Variants in KAZN observed in about 807,000 individuals in gnomAD.
KAZN encodes the protein kazrin.
Under a neutral mutation model 87.4 loss-of-function variants are expected in KAZN, and 40 were observed. The observed-to-expected ratio is 0.46, with a 90% CI of 0.36 to 0.60. The LOEUF (loss-of-function observed/expected upper bound fraction) is 0.60. Ranked by LOEUF, KAZN falls within the 20% of genes least tolerant of loss-of-function variation. The pLI, the probability that KAZN is intolerant of heterozygous loss-of-function variation, is 0.00. For synonymous variants in KAZN, 466 were observed against 458.3 expected (o/e 1.02, Z -0.22); for missense variants, 898 against 1,073.9 (o/e 0.84, Z 2.29).
At position 15,034,838 on chromosome 1, in the gene KAZN, G is replaced by A; in HGVS notation, c.508G>A (p.Glu170Lys). ...QQLYATLESR[E>K]EQLRDFIRNY... ...GCTGTATGCCACACTGGAGAGCCGC[G>A]AGGAGCAGCTCCGAGACTTCATCCG... The change falls in exon 3 of 15, where the codon GAG becomes AAG. Residue 170 changes from glutamate (E) to lysine (K), a missense_variant. Physicochemically the swap from Glu to Lys is moderately conservative, Grantham distance 56 (BLOSUM62 1). Transcript: ENST00000376030. 1.9e-6 allele frequency: 3 copies of A among 1,614,002 alleles called. No homozygotes were observed. The highest frequency in any genetic ancestry group is 2.5e-6 in the Non-Finnish European group (3 of 1,179,954).
intron 2 of KAZN, among the ~76,000 whole-genome samples, chr1:14,386,764 A>G (rs1312327193): frequency 1.3e-5 from 2 of 151,772 alleles, no homozygotes; most frequent in East Asian, 2.0e-4. Flanking sequence ...CTTCATTTCA[A>G]CTTCGGTGAA....
intron 2 of KAZN, among the ~76,000 whole-genome samples, chr1:14,511,620 A>G (rs1268213698): frequency 6.6e-6 from 1 of 152,232 alleles, no homozygotes. Flanking sequence ...CCTGGAATAC[A>G]TTATACTAAC....
At chr1:14,348,128 G>A (rs1487560547) in intron 2 of KAZN, among the ~76,000 whole-genome samples, 1 of 145,506 alleles carries the variant, frequency 6.9e-6, no homozygotes, top group Non-Finnish European at 1.5e-5. Context: ...TCAGCTCGCT[G>A]CAACCTCCAC....
chr1:14,870,424 C>A (rs140782112), intron 1 of KAZN, among the ~76,000 whole-genome samples: 3,563 of 152,286 alleles, frequency 0.023, 167 homozygotes, highest in African/African-American at 0.081. Context: ...CTCATTGCAA[C>A]CTCCACCTCC....
chr1:14,927,241 A>G (rs1244155653), intron 1 of KAZN, among the ~76,000 whole-genome samples: 1 of 152,186 alleles, frequency 6.6e-6, no homozygotes, highest in African/African-American at 2.4e-5. Context: ...GGGAACAGGA[A>G]TCCGGTTCTT....
intron 2 of KAZN, among the ~76,000 whole-genome samples, chr1:14,532,374 T>G (rs1251344901): frequency 6.6e-6 from 1 of 152,084 alleles, no homozygotes; most frequent in Admixed American, 6.6e-5. Context: ...TCCGAGGACA[T>G]TCCGGAGACT....
intron 8 of KAZN, 37 bp downstream of exon 8, chr1:15,065,790 A>G: frequency 6.2e-7 from 1 of 1,610,946 alleles, no homozygotes; most frequent in Non-Finnish European, 8.5e-7. Flanking sequence ...GAGGACGCGG[A>G]CTGGTGATAC....
chr1:14,695,712 G>A (rs956951805), intron 1 of KAZN, among the ~76,000 whole-genome samples: 3 of 151,624 alleles, frequency 2.0e-5, no homozygotes, highest in African/African-American at 7.3e-5. Context: ...CATCATGTTA[G>A]CCAGGCTGGT....
At chr1:14,742,049 C>T (rs975952723) in intron 1 of KAZN, among the ~76,000 whole-genome samples, 1 of 152,294 alleles carries the variant, frequency 6.6e-6, no homozygotes. Context: ...GAACCATCCC[C>T]AAGCAAAGAT....
intron 2 of KAZN, among the ~76,000 whole-genome samples, chr1:14,970,890 C>G (rs1664954234): frequency 6.6e-6 from 1 of 152,118 alleles, no homozygotes; most frequent in African/African-American, 2.4e-5. Flanking sequence ...AGATTAAGCC[C>G]ATTTTGTAGT....
At chr1:13,911,617 C>T (rs779354969) in intron 1 of KAZN, among the ~76,000 whole-genome samples, 30 of 152,182 alleles carry the variant, frequency 2.0e-4, no homozygotes, top group Non-Finnish European at 3.8e-4. Flanking sequence ...GAAGACATCA[C>T]GTCCTTTGAG....
intron 1 of KAZN, among the ~76,000 whole-genome samples, chr1:14,743,344 C>T (rs1644165585): frequency 6.6e-6 from 1 of 151,902 alleles, no homozygotes; most frequent in Middle Eastern, 3.4e-3. Flanking sequence ...GCAGGAGAAT[C>T]ACTTGAACCT....
At chr1:14,126,682 G>T (rs564335434) in intron 1 of KAZN, among the ~76,000 whole-genome samples, 3 of 152,174 alleles carry the variant, frequency 2.0e-5, no homozygotes, top group East Asian at 3.9e-4. Context: ...TTTCCCCAAT[G>T]TCACACAGCT....
intron 1 of KAZN, among the ~76,000 whole-genome samples, chr1:14,714,192 G>A (rs1490467787): frequency 6.6e-6 from 1 of 152,100 alleles, no homozygotes; most frequent in Non-Finnish European, 1.5e-5. Flanking sequence ...TTTTGTTCCT[G>A]CCACCTGGTC....
At position 14,537,370 on chromosome 1, in the gene KAZN, A is replaced by T. The variant is rs149218439; in HGVS notation, c.250-61613A>T. ...CATGCCACTCTTGAGCATGTGAAAC[A>T]TGGCAATGTGACTGGGGAAATGAAT... On this transcript the variant is annotated intron_variant, in intron 2 of 16. Coordinates refer to the KAZN transcript ENST00000636203. Among the ~76,000 whole-genome samples, 63 of 152,372 alleles carry T rather than the reference A, an allele frequency of 4.1e-4. No individual in the cohort carries two copies. In the East Asian group the frequency reaches 0.012, roughly 29 times the overall value.
intron 1 of KAZN, among the ~76,000 whole-genome samples, chr1:13,900,044 T>A (rs969036062): frequency 2.0e-5 from 3 of 151,810 alleles, no homozygotes; most frequent in African/African-American, 7.3e-5. Context: ...GCGGCTGTCA[T>A]CCTTATGAGT....
chr1:14,784,687 A>C (rs1645451963), intron 1 of KAZN, among the ~76,000 whole-genome samples: 1 of 152,152 alleles, frequency 6.6e-6, no homozygotes, highest in Admixed American at 6.5e-5. Flanking sequence ...TGAGCCCGGG[A>C]GGTCGAGGCT....
intron 1 of KAZN, among the ~76,000 whole-genome samples, chr1:13,924,242 T>A (rs1376008223): frequency 6.6e-6 from 1 of 152,094 alleles, no homozygotes; most frequent in Non-Finnish European, 1.5e-5. Context: ...AACTCAAAGG[T>A]ATGGCTTAAA....
intron 2 of KAZN, among the ~76,000 whole-genome samples, chr1:14,371,873 C>T (rs1660509961): frequency 6.6e-6 from 1 of 152,186 alleles, no homozygotes; most frequent in Non-Finnish European, 1.5e-5. Flanking sequence ...TTAGTTTTCA[C>T]AATGGCGGTG....
Sources: gnomAD v4.1 joint callset for allele counts (sites outside exome capture counted in the v4.1 genomes callset) on GRCh38, gnomAD v4.1.1 for gene constraint, MANE v1.5 for transcripts, NCBI Gene and HGNC (gene_info 2026-07-23, HGNC 2026-07-21) for gene names.